Variants in PTPRD observed in about 807,000 individuals in gnomAD.
PTPRD encodes protein tyrosine phosphatase receptor type D, also known as receptor-type tyrosine-protein phosphatase delta.
In PTPRD, 34 loss-of-function variants were observed where a neutral mutation model predicts 214.5. The ratio of observed to expected loss-of-function variants is 0.16; its 90% CI spans 0.12 to 0.21. The LOEUF (loss-of-function observed/expected upper bound fraction) is 0.21, where lower values mean the gene tolerates loss of function less well. Among genes scored for constraint, PTPRD ranks in the 10% least tolerant of loss-of-function variants. The pLI, the probability that PTPRD is intolerant of heterozygous loss-of-function variation, is 1.00. For missense variants in PTPRD, 2,545 were observed against 2,398.7 expected, an observed-to-expected ratio of 1.06 and a Z score of -1.27; for synonymous variants, 1,128 against 845.7, an observed-to-expected ratio of 1.33 and a Z score of -5.79.
chr9:10,038,212 C>T (rs1296157719), intron 3 of PTPRD, among the ~76,000 whole-genome samples: 1 of 152,048 alleles, frequency 6.6e-6, no homozygotes, highest in African/African-American at 2.4e-5. Context: ...CCATGTATAT[C>T]TCATGAAATT....
chr9:9,952,123 C>G (rs1019003065), intron 4 of PTPRD, among the ~76,000 whole-genome samples: 24 of 152,110 alleles, frequency 1.6e-4, no homozygotes, highest in African/African-American at 5.8e-4. Flanking sequence ...GAACTCACCA[C>G]CTGAAAGTTA....
intron 11 of PTPRD, among the ~76,000 whole-genome samples, chr9:8,922,927 T>G (rs1284330104): frequency 1.3e-5 from 2 of 151,726 alleles, no homozygotes; most frequent in South Asian, 2.1e-4. Flanking sequence ...CCTCCCTAAG[T>G]GTTGGGATTA....
intron 9 of PTPRD, among the ~76,000 whole-genome samples, chr9:9,269,446 G>T (rs1015263478): frequency 3.9e-5 from 5 of 129,756 alleles, no homozygotes; most frequent in East Asian, 4.8e-4. Flanking sequence ...CAATATGGAG[G>T]TTCCTCAAAA....
At chr9:10,310,073 G>C (rs1471366173) in intron 3 of PTPRD, among the ~76,000 whole-genome samples, 1 of 151,978 alleles carries the variant, frequency 6.6e-6, no homozygotes, top group African/African-American at 2.4e-5. Context: ...TTGGTAAAAT[G>C]GTGTTTTATT....
intron 2 of PTPRD, among the ~76,000 whole-genome samples, chr9:10,407,541 G>A (rs565447007): frequency 3.3e-5 from 5 of 151,472 alleles, no homozygotes; most frequent in Non-Finnish European, 7.4e-5. Flanking sequence ...GCACACCAAA[G>A]TTTTCCTTAG....
chr9:9,533,599 C>A (rs1033739770), intron 8 of PTPRD, among the ~76,000 whole-genome samples: 5 of 152,104 alleles, frequency 3.3e-5, no homozygotes, highest in African/African-American at 1.2e-4. Flanking sequence ...TTTGAAATGA[C>A]CTTCAGATTT....
intron 30 of PTPRD, 53 bp from the exon 31 acceptor site, chr9:8,471,138 G>A: frequency 6.8e-7 from 1 of 1,472,196 alleles, no homozygotes; most frequent in Non-Finnish European, 9.5e-7. Flanking sequence ...AGGAAAACGT[G>A]GATATACCCT....
intron 12 of PTPRD, among the ~76,000 whole-genome samples, chr9:8,712,442 T>C (rs1597684442): frequency 1.3e-5 from 2 of 151,520 alleles, no homozygotes; most frequent in East Asian, 1.9e-4. Flanking sequence ...TTCGTCACTA[T>C]GTGCCTTTTT....
intron 8 of PTPRD, among the ~76,000 whole-genome samples, chr9:9,529,756 T>C (rs2075042586): frequency 2.6e-5 from 4 of 151,868 alleles, no homozygotes; most frequent in Admixed American, 2.6e-4. Context: ...TGTCATATAA[T>C]CCAACAATTC....
chr9:9,969,357 C>T (rs2094933759), intron 4 of PTPRD, among the ~76,000 whole-genome samples: 1 of 152,074 alleles, frequency 6.6e-6, no homozygotes, highest in South Asian at 2.1e-4. Context: ...CCTCAACTTC[C>T]TCTTCTTCCT....
At chr9:9,623,152 GT>G (rs1435082302) in intron 7 of PTPRD, among the ~76,000 whole-genome samples, 2 of 152,028 alleles carry the variant, frequency 1.3e-5, no homozygotes, top group Non-Finnish European at 1.5e-5. Flanking sequence ...TTACTTTCAC[GT>G]AACTCATTTC....
chr9:9,856,386 G>C (rs527418442), intron 5 of PTPRD, among the ~76,000 whole-genome samples: 12 of 152,250 alleles, frequency 7.9e-5, no homozygotes, highest in Admixed American at 1.3e-4. Flanking sequence ...CTTGAGGGTA[G>C]GGCTTCACCA....
At chr9:10,351,253 GC>G (rs2097177695) in intron 2 of PTPRD, among the ~76,000 whole-genome samples, 1 of 151,566 alleles carries the variant, frequency 6.6e-6, no homozygotes, top group Non-Finnish European at 1.5e-5. Flanking sequence ...AATTACTGTC[GC>G]CCTCCATTTA....
At position 8,481,110 on chromosome 9, in the gene PTPRD, G is replaced by T. The variant is rs1020877319; in HGVS notation, c.3413+3009C>A. ...AGCAGAGATGGCGCCACTGCACGCC[G>T]GCCTGGGCAACAGAGTTAGACTCCG... On this transcript the variant is annotated intron_variant, in intron 30 of 45. Transcript: ENST00000381196. Among the ~76,000 whole-genome samples the T allele has an allele frequency of 2.1e-5, 3 of 142,570 alleles. No individual in the cohort carries two copies. The East Asian group carries it at 6.2e-4, about 29-fold the overall frequency. The allele number at this position is 142,570 out of a possible 152,430, so 93.5% of individuals were successfully genotyped here.
At chr9:9,328,327 G>C (rs1017798937) in intron 9 of PTPRD, among the ~76,000 whole-genome samples, 1 of 152,076 alleles carries the variant, frequency 6.6e-6, no homozygotes, top group Admixed American at 6.6e-5. Flanking sequence ...TATGTGGTAT[G>C]TCACTTACAT....
At chr9:8,343,304 C>G (rs1854309112) in intron 39 of PTPRD, among the ~76,000 whole-genome samples, 1 of 152,006 alleles carries the variant, frequency 6.6e-6, no homozygotes, top group East Asian at 1.9e-4. Context: ...TTTTTATGTC[C>G]TATGCCAGAG....
chr9:8,486,279 C>A lies in PTPRD; in HGVS notation c.2538G>T (p.Pro846=). The change falls in exon 28 of 46, where the codon CCG becomes CCT. Residue 846 remains proline, a synonymous_variant. Transcript: ENST00000381196. The stretch of plus-strand genomic sequence containing the variant: ...CCTGAAGAGGTCCAAATGTGTCCAC[C>A]GGAGGGTGCCACTGAATAAGAGCAG... ...MNTALIQWHP[P]VDTFGPLQGY... is the part of the protein sequence containing the mutation. 1 of 1,614,126 alleles carries A rather than the reference C, an allele frequency of 6.2e-7. No homozygotes were observed. The highest frequency in any genetic ancestry group is 8.5e-7 in the Non-Finnish European group (1 of 1,179,998).
intron 3 of PTPRD, among the ~76,000 whole-genome samples, chr9:10,301,461 C>A (rs375258262): frequency 1.3e-5 from 2 of 152,270 alleles, no homozygotes; most frequent in East Asian, 3.9e-4. Context: ...TGGGTAATAA[C>A]AAACTCCTCC....
chr9:10,161,054 G>C (rs1295172873), intron 3 of PTPRD, among the ~76,000 whole-genome samples: 8 of 151,784 alleles, frequency 5.3e-5, no homozygotes, highest in Admixed American at 4.6e-4. Context: ...AAATACTGAT[G>C]AAAGAAATTG....
Sources: allele counts gnomAD v4.1 joint callset (sites outside exome capture counted in the v4.1 genomes callset), GRCh38; gene constraint gnomAD v4.1.1; transcripts MANE v1.5; gene names NCBI Gene and HGNC (gene_info 2026-07-23, HGNC 2026-07-21).